Variants in NAV3 observed in about 807,000 individuals in gnomAD.
NAV3 encodes pore membrane and/or filament interacting like protein 1.
A neutral mutation model predicts 244.7 loss-of-function variants in NAV3; 87 were observed. That is an observed-to-expected ratio of 0.36 (90% CI 0.30 to 0.42). The LOEUF (loss-of-function observed/expected upper bound fraction) is 0.42, where lower values mean the gene tolerates loss of function less well. NAV3 is among the 20% of genes least tolerant of loss of function. The probability of loss-of-function intolerance (pLI) is 1.00; values close to 1 mark genes in which losing one functional copy is unlikely to be tolerated. For synonymous variants in NAV3, 1,126 were observed against 1,042.2 expected (o/e 1.08, Z -1.55); for missense variants, 2,663 against 2,893.3 (o/e 0.92, Z 1.83).
intron 2 of NAV3, among the ~76,000 whole-genome samples, chr12:77,669,094 A>C (rs192225160): frequency 6.6e-6 from 1 of 152,336 alleles, no homozygotes; most frequent in Non-Finnish European, 1.5e-5. Flanking sequence ...CAAATGAAGG[A>C]AAATTACAGT....
intron 1 of NAV3, among the ~76,000 whole-genome samples, chr12:77,867,246 G>A (rs556473990): frequency 3.9e-5 from 6 of 152,194 alleles, no homozygotes; most frequent in African/African-American, 9.6e-5. Flanking sequence ...GTTTTATAAG[G>A]GAGTTCCATT....
At chr12:77,799,402 T>G (rs923084982) in intron 2 of NAV3, among the ~76,000 whole-genome samples, 1 of 152,240 alleles carries the variant, frequency 6.6e-6, no homozygotes, top group African/African-American at 2.4e-5. Context: ...TTTTAAAGCT[T>G]TAATCAACAT....
chr12:77,845,982 T>A (rs1206788735), intron 1 of NAV3, among the ~76,000 whole-genome samples: 5 of 152,144 alleles, frequency 3.3e-5, no homozygotes, highest in Non-Finnish European at 5.9e-5. Flanking sequence ...ACATTAAGTG[T>A]ACCAAAATAC....
chr12:78,016,914 G>A (rs543356804), intron 8 of NAV3, among the ~76,000 whole-genome samples: 6 of 152,182 alleles, frequency 3.9e-5, no homozygotes, highest in Admixed American at 1.3e-4. Context: ...CACATTTAAC[G>A]ACCGAGTGAC....
At chr12:77,630,049 T>C (rs1871817093) in intron 2 of NAV3, among the ~76,000 whole-genome samples, 1 of 152,282 alleles carries the variant, frequency 6.6e-6, no homozygotes. Flanking sequence ...TCCCATGGAT[T>C]TAACTTATGA....
At chr12:78,107,862 A>G (rs1954884477) in intron 12 of NAV3, among the ~76,000 whole-genome samples, 1 of 152,156 alleles carries the variant, frequency 6.6e-6, no homozygotes, top group Non-Finnish European at 1.5e-5. Flanking sequence ...ACCACCAGAG[A>G]AATCTAACTA....
chr12:77,659,406 TG>T (rs1423977681), intron 2 of NAV3, among the ~76,000 whole-genome samples: 1 of 152,080 alleles, frequency 6.6e-6, no homozygotes, highest in Non-Finnish European at 1.5e-5. Flanking sequence ...AAAATCACAA[TG>T]AGATATCATC....
chr12:77,777,622 A>G (rs1870432153), intron 2 of NAV3, among the ~76,000 whole-genome samples: 1 of 152,180 alleles, frequency 6.6e-6, no homozygotes, highest in Non-Finnish European at 1.5e-5. Flanking sequence ...TTGACCATGG[A>G]TAACTGTCCC....
intron 2 of NAV3, among the ~76,000 whole-genome samples, chr12:77,601,266 G>C (rs1013747206): frequency 4.6e-5 from 7 of 152,012 alleles, no homozygotes; most frequent in Admixed American, 1.3e-4. Flanking sequence ...GCAGAGTTAG[G>C]ATTTGAAACT....
intron 1 of NAV3, among the ~76,000 whole-genome samples, chr12:77,844,434 T>C (rs1876269647): frequency 6.6e-6 from 1 of 152,208 alleles, no homozygotes; most frequent in African/African-American, 2.4e-5. Context: ...AATTTGAAGG[T>C]CACATTCAGA....
chr12:78,161,842 T>A (rs1957557557), intron 23 of NAV3, among the ~76,000 whole-genome samples: 1 of 152,094 alleles, frequency 6.6e-6, no homozygotes, highest in Non-Finnish European at 1.5e-5. Flanking sequence ...ATTTGCAATG[T>A]GAAATGGTAT....
At chr12:77,690,830 C>G (rs914404901) in intron 2 of NAV3, among the ~76,000 whole-genome samples, 90 of 4,442 alleles carry the variant, frequency 0.02, no homozygotes, top group African/African-American at 0.092. Context: ...TGCCTCTTTT[C>G]TCTCTCTTCC....
At chr12:77,864,380 G>A (rs1004014323) in intron 1 of NAV3, among the ~76,000 whole-genome samples, 4 of 151,752 alleles carry the variant, frequency 2.6e-5, no homozygotes, top group Non-Finnish European at 5.9e-5. Context: ...AAATAATTCT[G>A]ATTTAAACCC....
chr12:77,976,666 C>CTTTTTTTTTT lies in NAV3; in HGVS notation c.671+7971_671+7972insTTTTTTTTTT, dbSNP rs1295751885. Among the ~76,000 whole-genome samples, 10 of 58,050 alleles carry CTTTTTTTTTT rather than the reference C, an allele frequency of 1.7e-4. 1 individual carries two copies. The highest frequency in any genetic ancestry group is 6.5e-4 in the African/African-American group (10 of 15,392). The allele number at this position is 58,050 out of a possible 152,430, so 38.1% of individuals were successfully genotyped here. ...GTATTCTTTCTTTCTTTCTTTCTTT[C>CTTTTTTTTTT]TTTTTTTCTTTTTTTTTTTTTTTTT... On this transcript the variant is annotated intron_variant, in intron 5 of 39. Coordinates refer to ENST00000397909, the MANE Select transcript of NAV3 (RefSeq NM_001024383.2).
At chr12:77,829,518 G>A (rs1031127773), upstream of NAV3, among the ~76,000 whole-genome samples, 3 of 152,080 alleles carry the variant, frequency 2.0e-5, no homozygotes, top group Non-Finnish European at 4.4e-5. Context: ...CTCATTTTAC[G>A]AACATGAACC....
At chr12:78,027,452 A>G (rs1878254669) in intron 9 of NAV3, among the ~76,000 whole-genome samples, 2 of 150,346 alleles carry the variant, frequency 1.3e-5, no homozygotes, top group Admixed American at 6.6e-5. Flanking sequence ...TCCAAAAAAA[A>G]AGGGTGGGGG....
At chr12:77,797,071 A>G (rs1871443394) in intron 2 of NAV3, among the ~76,000 whole-genome samples, 1 of 152,188 alleles carries the variant, frequency 6.6e-6, no homozygotes, top group South Asian at 2.1e-4. Flanking sequence ...TAAAAATTAT[A>G]GTCCACTTTC....
intron 2 of NAV3, among the ~76,000 whole-genome samples, chr12:77,744,403 A>G (rs1412813194): frequency 6.6e-6 from 1 of 151,988 alleles, no homozygotes; most frequent in African/African-American, 2.4e-5. Context: ...CCCAGAATGC[A>G]TACACATTTG....
intron 2 of NAV3, among the ~76,000 whole-genome samples, chr12:77,588,587 G>A (rs1869753491): frequency 6.6e-6 from 1 of 152,068 alleles, no homozygotes; most frequent in Non-Finnish European, 1.5e-5. Context: ...CAAGGTTTCA[G>A]GCACCTTAAG....
Sources: allele counts gnomAD v4.1 joint callset (sites outside exome capture counted in the v4.1 genomes callset), GRCh38; gene constraint gnomAD v4.1.1; transcripts MANE v1.5; gene names NCBI Gene and HGNC (gene_info 2026-07-23, HGNC 2026-07-21).